Variants in NEXMIF observed in about 807,000 individuals in gnomAD.
The protein encoded by NEXMIF is neurite extension and migration factor.
In NEXMIF, 8 loss-of-function variants were observed where a neutral mutation model predicts 62.1. The observed-to-expected ratio is 0.13, with a 90% CI of 0.08 to 0.23. The LOEUF (loss-of-function observed/expected upper bound fraction) is 0.23, where lower values mean the gene tolerates loss of function less well. Among genes scored for constraint, NEXMIF ranks in the 10% least tolerant of loss-of-function variants. The probability of loss-of-function intolerance (pLI) is 1.00; values close to 1 mark genes in which losing one functional copy is unlikely to be tolerated. For missense variants in NEXMIF, 976 were observed against 1,113.3 expected, an observed-to-expected ratio of 0.88 and a Z score of 1.75; for synonymous variants, 404 against 416.6, an observed-to-expected ratio of 0.97 and a Z score of 0.37.
intron 1 of NEXMIF, among the ~76,000 whole-genome samples, chrX:74,898,181 C>T (rs1172464819): frequency 8.9e-6 from 1 of 111,837 alleles, no homozygotes; most frequent in Non-Finnish European, 1.9e-5. Context: ...CTGATAAACA[C>T]TACCTTAGCC....
chrX:74,917,427 T>A (rs1009198969), intron 1 of NEXMIF, among the ~76,000 whole-genome samples: 1 of 112,274 alleles, frequency 8.9e-6, no homozygotes, highest in Admixed American at 9.4e-5. Flanking sequence ...CTAGTTTCAG[T>A]TATTTCTTTA....
At chrX:74,839,863 T>G (rs910540833) in intron 1 of NEXMIF, among the ~76,000 whole-genome samples, 15 of 112,139 alleles carry the variant, frequency 1.3e-4, no homozygotes, top group African/African-American at 4.5e-4. Context: ...TGAATAGTGC[T>G]GCAATGAACA....
chrX:74,849,961 C>A (rs905145221), intron 1 of NEXMIF, among the ~76,000 whole-genome samples: 1 of 112,163 alleles, frequency 8.9e-6, no homozygotes, highest in Admixed American at 9.4e-5. Flanking sequence ...CACTGCTGTT[C>A]CCATCCAAGC....
intron 1 of NEXMIF, among the ~76,000 whole-genome samples, chrX:74,784,361 C>T (rs972746188): frequency 3.6e-5 from 4 of 111,133 alleles, no homozygotes; most frequent in African/African-American, 9.8e-5. Flanking sequence ...TAAGAAAGTA[C>T]AATGTGAAAC....
intron 1 of NEXMIF, among the ~76,000 whole-genome samples, chrX:74,919,561 T>C (rs141085582): frequency 9.0e-6 from 1 of 111,428 alleles, no homozygotes; most frequent in East Asian, 2.8e-4. Flanking sequence ...ACTCTACTTA[T>C]AGTCCTCCAT....
chrX:74,891,701 G>A (rs2080718399), intron 1 of NEXMIF, among the ~76,000 whole-genome samples: 1 of 112,387 alleles, frequency 8.9e-6, no homozygotes, highest in African/African-American at 3.2e-5. Context: ...CTGACTTGAT[G>A]AATCCATTTA....
chrX:74,790,820 T>C (rs2080279323), intron 1 of NEXMIF, among the ~76,000 whole-genome samples: 1 of 111,213 alleles, frequency 9.0e-6, no homozygotes, highest in Non-Finnish European at 1.9e-5. Context: ...TTTTGTACAT[T>C]GATTTTGTAT....
At position 74,756,803 on chromosome X, in the gene NEXMIF, C is replaced by T. The variant is rs144074490; in HGVS notation, c.-47-11106G>A. On this transcript the variant is annotated intron_variant, in intron 1 of 3. Coordinates refer to ENST00000055682, the MANE Select transcript of NEXMIF (RefSeq NM_001008537.3). ...CCTGGCTGATGCCCAAAGCCATACA[C>T]GTGGCATTCTGGGGGTGCTGTGCTC... Among the ~76,000 whole-genome samples the T allele has an allele frequency of 7.9e-4, 88 of 111,992 alleles. No individual in the cohort carries two copies. In the East Asian group the frequency reaches 0.016, roughly 21 times the overall value.
At chrX:74,790,029 T>G (rs2080274497) in intron 1 of NEXMIF, among the ~76,000 whole-genome samples, 1 of 96,248 alleles carries the variant, frequency 1.0e-5, no homozygotes, top group African/African-American at 3.6e-5. Flanking sequence ...CTTTTGGTGT[T>G]TTAGACATGA....
At chrX:74,786,010 A>G (rs1462896617) in intron 1 of NEXMIF, among the ~76,000 whole-genome samples, 1 of 112,788 alleles carries the variant, frequency 8.9e-6, no homozygotes, top group Non-Finnish European at 1.9e-5. Flanking sequence ...ACACTAAAGC[A>G]AATGAATGAG....
In NEXMIF at chrX:74,734,997, T is replaced by A. The variant is rs2080081493; in HGVS notation, c.*4408A>T. 1 of 112,189 alleles carries A rather than the reference T, an allele frequency of 8.9e-6. No homozygotes were observed. The highest frequency in any genetic ancestry group is 3.7e-4 in the South Asian group (1 of 2,696). 9.2% of individuals were successfully genotyped at this position (112,189 alleles called of 1,213,427 possible). A position where few individuals can be genotyped will look rare whatever the true frequency, so the allele number is the denominator to read the frequency against. ...TTTACAAAATCCCTGGCCTACATTG[T>A]GTTGACAAGATTCCTGTTTGTTACT... On this transcript the variant is annotated 3_prime_UTR_variant, in exon 4 of 4. Coordinates refer to ENST00000055682, the MANE Select transcript of NEXMIF (RefSeq NM_001008537.3).
chrX:74,819,456 C>T (rs2080387221), intron 1 of NEXMIF, among the ~76,000 whole-genome samples: 2 of 111,774 alleles, frequency 1.8e-5, no homozygotes, highest in East Asian at 2.8e-4. Flanking sequence ...GGCTGATATC[C>T]AGAATCTACA....
At chrX:74,821,158 G>A (rs2080394211) in intron 1 of NEXMIF, among the ~76,000 whole-genome samples, 1 of 110,839 alleles carries the variant, frequency 9.0e-6, no homozygotes, top group African/African-American at 3.3e-5. Flanking sequence ...CTTCTGAGAT[G>A]GACCCTTTCC....
intron 1 of NEXMIF, among the ~76,000 whole-genome samples, chrX:74,884,044 C>A (rs1223641738): frequency 8.9e-6 from 1 of 111,794 alleles, no homozygotes; most frequent in Non-Finnish European, 1.9e-5. Flanking sequence ...TCCAGCCAAA[C>A]TAAGCTTCAT....
At chrX:74,793,299 T>C (rs1210019712) in intron 1 of NEXMIF, among the ~76,000 whole-genome samples, 3 of 110,317 alleles carry the variant, frequency 2.7e-5, no homozygotes, top group Non-Finnish European at 5.7e-5. Context: ...TGTTGAATAT[T>C]GGCCCCCACT....
chrX:74,829,081 G>A (rs1215788196), intron 1 of NEXMIF, among the ~76,000 whole-genome samples: 2 of 111,866 alleles, frequency 1.8e-5, no homozygotes, highest in Non-Finnish European at 3.8e-5. Flanking sequence ...TGGGTACATA[G>A]TAGGTACATA....
At chrX:74,791,744 G>C (rs2080284105) in intron 1 of NEXMIF, among the ~76,000 whole-genome samples, 1 of 109,914 alleles carries the variant, frequency 9.1e-6, no homozygotes, top group Admixed American at 9.7e-5. Flanking sequence ...ATTTCTTCTA[G>C]ATTTTCTAGT....
intron 1 of NEXMIF, among the ~76,000 whole-genome samples, chrX:74,852,808 A>G (rs1309461112): frequency 2.7e-5 from 3 of 111,736 alleles, no homozygotes; most frequent in Non-Finnish European, 5.6e-5. Flanking sequence ...CACTGCTAAG[A>G]GGGAAGTTTA....
chrX:74,872,868 A>AAT lies in NEXMIF; in HGVS notation c.-48+52013_-48+52014dup, dbSNP rs1452973222. ...TAAAAATATTATAATGGAGTAGAAAAATACCTGTCACCTACTGACACACTA... is the reference window on the plus strand; with the variant it reads ...TAAAAATATTATAATGGAGTAGAAAAATATACCTGTCACCTACTGACACACTA... On this transcript the variant is annotated intron_variant, in intron 1 of 3. Transcript: ENST00000055682. Among the ~76,000 whole-genome samples, 3 of 110,282 alleles carry AAT rather than the reference A, an allele frequency of 2.7e-5. No homozygotes were observed. The Admixed American group carries it at 2.9e-4, about 11-fold the overall frequency.
Sources: allele counts gnomAD v4.1 joint callset (sites outside exome capture counted in the v4.1 genomes callset), GRCh38; gene constraint gnomAD v4.1.1; transcripts MANE v1.5; gene names NCBI Gene and HGNC (gene_info 2026-07-23, HGNC 2026-07-21).